C6orf62: variants seen among roughly 807,000 people sequenced by gnomAD.
C6orf62 encodes the protein uncharacterized protein C6orf62.
A neutral mutation model predicts 26.8 loss-of-function variants in C6orf62; 16 were observed. The observed-to-expected ratio is 0.60, with a 90% CI of 0.40 to 0.91. The LOEUF is 0.91. Ranked by LOEUF, C6orf62 falls within the 40% of genes least tolerant of loss-of-function variation. C6orf62 has a pLI of 0.00. For missense variants in C6orf62, 192 were observed against 271.4 expected (o/e 0.71, Z 2.06); for synonymous variants, 112 against 91.5 (o/e 1.22, Z -1.28).
intron 3 of C6orf62, among the ~76,000 whole-genome samples, chr6:24,711,629 T>C (rs924278131): frequency 2.6e-5 from 4 of 151,974 alleles, no homozygotes; most frequent in Non-Finnish European, 4.4e-5. Context: ...ACCCCATCTC[T>C]ACAAAAAATT....
At chr6:24,709,299 CATAAAATTGTATTTTCA>C in intron 3 of C6orf62, 1 of 985,362 alleles carries the variant, frequency 1.0e-6, no homozygotes, top group Non-Finnish European at 1.2e-6. Flanking sequence ...ACTCCACGAT[CATAAAATTGTATTTTCA>C]AACCTACTCA....
upstream of C6orf62, chr6:24,720,737 G>C (rs1323372170): frequency 6.6e-6 from 1 of 152,410 alleles, no homozygotes; most frequent in South Asian, 2.0e-4. Context: ...AGCGGTTGGT[G>C]AGCGTCCGCG....
intron 3 of C6orf62, among the ~76,000 whole-genome samples, chr6:24,710,995 A>G (rs1422312291): frequency 6.6e-6 from 1 of 151,646 alleles, no homozygotes. Flanking sequence ...CCATCTCACC[A>G]TCTCAAAACA....
At chr6:24,714,287 G>T in intron 3 of C6orf62, 31 bp downstream of exon 3, 1 of 1,561,276 alleles carries the variant, frequency 6.4e-7, no homozygotes, top group Non-Finnish European at 8.7e-7. Flanking sequence ...TTCACATATT[G>T]AAATACTCAT....
upstream of C6orf62, chr6:24,719,995 A>C (rs1417690392): frequency 5.9e-6 from 9 of 1,536,460 alleles, no homozygotes; most frequent in Admixed American, 1.4e-4. Flanking sequence ...AATTGTGTTA[A>C]TATTACTTCT....
chr6:24,705,980 T>C lies in C6orf62; in HGVS notation c.*157A>G. ...TTTTGTTTAAGTTCTGAGATAAAAA[T>C]GATTTAAAAAAATCCAGGATGAACA... On this transcript the variant is annotated 3_prime_UTR_variant, in exon 5 of 5. Coordinates refer to ENST00000378119, the MANE Select transcript of C6orf62 (RefSeq NM_030939.5). 1 of 1,140,112 alleles carries C rather than the reference T, an allele frequency of 8.8e-7. No homozygotes were observed. Among genetic ancestry groups the C allele is most frequent in the Non-Finnish European group, 1.2e-6 (1 of 843,408 alleles). 70.6% of individuals were successfully genotyped at this position (1,140,112 alleles called of 1,614,324 possible).
intron 3 of C6orf62, 54 bp from the exon 4 acceptor site, chr6:24,708,965 T>TC (rs1436139730): frequency 1.8e-4 from 282 of 1,609,308 alleles, no homozygotes; most frequent in Non-Finnish European, 2.2e-4. Context: ...ATACTACCTA[T>TC]CTGCATCTAT....
chr6:24,712,296 G>A (rs374443918), intron 3 of C6orf62, among the ~76,000 whole-genome samples: 32 of 151,964 alleles, frequency 2.1e-4, no homozygotes, highest in African/African-American at 7.3e-4. Context: ...GCACAAGAAC[G>A]GCTCAAACCT....
At chr6:24,706,793 TC>T (rs1207588385) in intron 4 of C6orf62, 2 of 154,266 alleles carry the variant, frequency 1.3e-5, no homozygotes, top group Non-Finnish European at 2.9e-5. Flanking sequence ...ACGCCTGTAG[TC>T]CAGCCACTCG....
At chr6:24,717,033 A>G (rs748754820) in intron 1 of C6orf62, among the ~76,000 whole-genome samples, 17 of 152,088 alleles carry the variant, frequency 1.1e-4, no homozygotes, top group Non-Finnish European at 2.4e-4. Context: ...AAAACCATCA[A>G]TATTTGAAAG....
chr6:24,709,179 C>T (rs1779072258), intron 3 of C6orf62: 1 of 977,228 alleles, frequency 1.0e-6, no homozygotes, highest in South Asian at 4.7e-5. Flanking sequence ...TAAGAACAAT[C>T]TCTTGAGATA....
chr6:24,711,009 CA>C (rs71770151), intron 3 of C6orf62, among the ~76,000 whole-genome samples: 5,843 of 151,116 alleles, frequency 0.039, 147 homozygotes, highest in East Asian at 0.073. Flanking sequence ...CAAAACAAAA[CA>C]AAAAAAACAG....
intron 3 of C6orf62, 61 bp from the exon 4 acceptor site, chr6:24,708,972 C>G: frequency 6.2e-7 from 1 of 1,606,706 alleles, no homozygotes; most frequent in Admixed American, 1.7e-5. Context: ...CTATCTGCAT[C>G]TATATGCTAG....
chr6:24,714,184 T>C (rs980453871), intron 3 of C6orf62, 134 bp downstream of exon 3: 16 of 628,142 alleles, frequency 2.5e-5, no homozygotes, highest in Admixed American at 1.8e-4. Flanking sequence ...TGCATCACAA[T>C]ATTCTAAATA....
At chr6:24,713,109 G>A (rs1202439242) in intron 3 of C6orf62, among the ~76,000 whole-genome samples, 1 of 152,116 alleles carries the variant, frequency 6.6e-6, no homozygotes, top group Non-Finnish European at 1.5e-5. Flanking sequence ...TAAGTTACAC[G>A]TATTTTAAAT....
Position 24,714,440 on chromosome 6 carries a change from C to G in C6orf62, c.307G>C (p.Asp103His). 1 of 1,553,298 alleles carries G rather than the reference C, an allele frequency of 6.4e-7. No individual in the cohort carries two copies. Among genetic ancestry groups the G allele is most frequent in the Non-Finnish European group, 8.7e-7 (1 of 1,155,310 alleles). ...HAPRYQSMRRDVIGCTQEMDF... is the reference protein window; with the variant it reads ...HAPRYQSMRRHVIGCTQEMDF... ...ATCTCCTGAGTACAGCCAATTACAT[C>G]CTATAAAATGATTAAAAAAAAAAAA... The change falls in exon 3 of 5, where the codon GAT becomes CAT. Residue 103 changes from aspartate to histidine, a missense_variant and splice_region_variant. Coordinates refer to ENST00000378119, the MANE Select transcript of C6orf62 (RefSeq NM_030939.5).
intron 3 of C6orf62, among the ~76,000 whole-genome samples, chr6:24,711,579 G>T (rs767033779): frequency 5.3e-5 from 8 of 152,056 alleles, no homozygotes; most frequent in Non-Finnish European, 1.0e-4. Flanking sequence ...AGGATCACTT[G>T]AACCTAGGAG....
At chr6:24,712,599 G>A (rs569586314) in intron 3 of C6orf62, among the ~76,000 whole-genome samples, 1 of 149,874 alleles carries the variant, frequency 6.7e-6, no homozygotes, top group Admixed American at 6.6e-5. Context: ...AACCAGGGAG[G>A]CGGAGGCAGA....
At position 24,714,310 on chromosome 6, in the gene C6orf62, CA is replaced by C; in HGVS notation, c.429+7del. ...TTGAAATACTCATCACACTTTAGAC[CA>C]AAATACCTGAACAGGCCTAAAAGGC... On this transcript the variant is annotated splice_region_variant and intron_variant, in intron 3 of 4. Coordinates refer to ENST00000378119, the MANE Select transcript of C6orf62 (RefSeq NM_030939.5). 1 of 1,596,592 alleles carries C rather than the reference CA, an allele frequency of 6.3e-7. No homozygotes were observed. The highest frequency in any genetic ancestry group is 8.5e-7 in the Non-Finnish European group (1 of 1,173,958).
Sources: gnomAD v4.1 joint callset for allele counts (sites outside exome capture counted in the v4.1 genomes callset) on GRCh38, gnomAD v4.1.1 for gene constraint, MANE v1.5 for transcripts, NCBI Gene and HGNC (gene_info 2026-07-23, HGNC 2026-07-21) for gene names.